CCDC91: variants seen among roughly 807,000 people sequenced by gnomAD.
The protein encoded by CCDC91 is coiled-coil domain containing 91.
In CCDC91, 48 loss-of-function variants were observed where a neutral mutation model predicts 63.2. The observed-to-expected ratio is 0.76, with a 90% CI of 0.60 to 0.97. CCDC91 has a LOEUF of 0.97. CCDC91 is among the 50% of genes least tolerant of loss of function. The pLI, the probability that CCDC91 is intolerant of heterozygous loss-of-function variation, is 0.00. For synonymous variants in CCDC91, 167 were observed against 165.8 expected, an observed-to-expected ratio of 1.01 and a Z score of -0.06; for missense variants, 500 against 494.6, an observed-to-expected ratio of 1.01 and a Z score of -0.10.
At chr12:28,430,899 G>C (rs1224078814) in intron 8 of CCDC91, among the ~76,000 whole-genome samples, 3 of 152,030 alleles carry the variant, frequency 2.0e-5, no homozygotes, top group Non-Finnish European at 1.5e-5. Flanking sequence ...ACTTGTCTTC[G>C]TATTAGTTTA....
rs1447285111 is a variant in CCDC91 at position 28,450,218 on chromosome 12, A to G, written c.820A>G (p.Lys274Glu). Residue 274 changes from lysine to glutamate, a missense_variant, in exon 9 of 13, where the codon AAG (lysine) becomes GAG (glutamate). Physicochemically the swap from Lys to Glu is moderately conservative, Grantham distance 56. Coordinates refer to ENST00000536442, the MANE Select transcript of CCDC91 (RefSeq NM_018318.5). Reference protein sequence around the residue: ...TEKELLKEKIKEALIQQSQEQ... With the variant: ...TEKELLKEKIEEALIQQSQEQ... ...GAAGGAACTGTTAAAAGAAAAAATA[A>G]AGGAAGCTTTGATTCAGCAATCTCA... is the stretch of plus-strand genomic sequence containing the variant. 4 of 1,610,534 alleles carry G rather than the reference A, an allele frequency of 2.5e-6. No homozygotes were observed. The highest frequency in any genetic ancestry group is 3.4e-6 in the Non-Finnish European group (4 of 1,177,884).
chr12:28,442,814 A>C lies in CCDC91; in HGVS notation c.763-7347A>C, dbSNP rs1949296577. Reference sequence around the variant, plus strand: ...ATTTTACAAGGGAACAAGGTTTTAAAGTATTTTATGATCAAATGTCAAAGT... The same window carrying C: ...ATTTTACAAGGGAACAAGGTTTTAACGTATTTTATGATCAAATGTCAAAGT... On this transcript the variant is annotated intron_variant, in intron 8 of 12. Transcript: ENST00000536442. Among the ~76,000 whole-genome samples the C allele has an allele frequency of 2.6e-5, 4 of 152,094 alleles. No individual in the cohort carries two copies. The South Asian group carries it at 8.3e-4, about 32-fold the overall frequency.
At chr12:28,194,392 G>A (rs1265764889) in intron 1 of CCDC91, among the ~76,000 whole-genome samples, 2 of 152,106 alleles carry the variant, frequency 1.3e-5, no homozygotes, top group East Asian at 1.9e-4. Context: ...ATGAAGGCAC[G>A]GACCCTCGCA....
At chr12:28,541,148 T>C (rs1183324872) in intron 12 of CCDC91, among the ~76,000 whole-genome samples, 1 of 152,176 alleles carries the variant, frequency 6.6e-6, no homozygotes, top group Non-Finnish European at 1.5e-5. Context: ...GATGCTTTGT[T>C]GCACACCGAT....
intron 7 of CCDC91, among the ~76,000 whole-genome samples, chr12:28,366,258 C>T (rs1944265209): frequency 1.3e-5 from 2 of 152,154 alleles, no homozygotes; most frequent in African/African-American, 4.8e-5. Context: ...ACCCAAGTAA[C>T]TACATAGTAG....
At chr12:28,232,479 A>G (rs566454840) in intron 1 of CCDC91, among the ~76,000 whole-genome samples, 5 of 152,224 alleles carry the variant, frequency 3.3e-5, no homozygotes, top group African/African-American at 1.2e-4. Flanking sequence ...AGGGGTTACT[A>G]TAAATTCATC....
At chr12:28,518,974 T>G (rs1236076510) in intron 12 of CCDC91, among the ~76,000 whole-genome samples, 1 of 151,856 alleles carries the variant, frequency 6.6e-6, no homozygotes, top group Admixed American at 6.6e-5. Flanking sequence ...AGTATTTGGA[T>G]TTATTTCTGG....
intron 1 of CCDC91, among the ~76,000 whole-genome samples, chr12:28,229,697 GT>G (rs977449900): frequency 6.6e-5 from 10 of 152,174 alleles, no homozygotes; most frequent in Non-Finnish European, 1.3e-4. Context: ...TCCATCTCTA[GT>G]TGGAAACATC....
rs116791900 is a variant in CCDC91 at position 28,378,692 on chromosome 12, A to G, written c.655-12612A>G. On this transcript the variant is annotated intron_variant, in intron 7 of 12. Transcript: ENST00000536442. ...GTTATTTGATTGAATAAGGATTCTCATAAATTCCAGCTTTTATCATATGAT... is the reference window on the plus strand; with the variant it reads ...GTTATTTGATTGAATAAGGATTCTCGTAAATTCCAGCTTTTATCATATGAT... Among the ~76,000 whole-genome samples the G allele has an allele frequency of 6.9e-3, 1,053 of 152,224 alleles. 17 individuals are homozygous for G. Among genetic ancestry groups the G allele is most frequent in the African/African-American group, 0.024 (1,017 of 41,554 alleles).
At chr12:28,451,203 T>C (rs1468293150) in intron 10 of CCDC91, among the ~76,000 whole-genome samples, 1 of 151,644 alleles carries the variant, frequency 6.6e-6, no homozygotes, top group Non-Finnish European at 1.5e-5. Context: ...TAATTGACAT[T>C]AAGTTTTGGG....
At chr12:28,488,171 T>C (rs1387193897) in intron 12 of CCDC91, among the ~76,000 whole-genome samples, 1 of 151,840 alleles carries the variant, frequency 6.6e-6, no homozygotes, top group Non-Finnish European at 1.5e-5. Flanking sequence ...AAAATTTTAA[T>C]TTTAAATGCT....
chr12:28,347,737 C>T (rs1231647582), intron 6 of CCDC91, among the ~76,000 whole-genome samples: 1 of 152,104 alleles, frequency 6.6e-6, no homozygotes, highest in Non-Finnish European at 1.5e-5. Flanking sequence ...AGCTCTGGTC[C>T]TAGGACCACT....
chr12:28,461,274 G>A (rs1950299252), intron 11 of CCDC91, among the ~76,000 whole-genome samples: 1 of 151,972 alleles, frequency 6.6e-6, no homozygotes, highest in Admixed American at 6.6e-5. Context: ...TTTTATCCAG[G>A]ATTGATAAGA....
intron 10 of CCDC91, 72 bp from the exon 11 acceptor site, chr12:28,452,406 T>TA (rs1378762273): frequency 1.9e-6 from 2 of 1,075,044 alleles, no homozygotes; most frequent in East Asian, 5.0e-5. Flanking sequence ...TCTTTTAGGT[T>TA]AACCAAGTCT....
At chr12:28,539,732 G>T (rs535312852) in intron 12 of CCDC91, among the ~76,000 whole-genome samples, 14 of 152,254 alleles carry the variant, frequency 9.2e-5, no homozygotes, top group African/African-American at 3.1e-4. Context: ...TTAGATCCAG[G>T]TGGGAGGCAG....
intron 11 of CCDC91, among the ~76,000 whole-genome samples, chr12:28,456,625 C>T (rs1950071161): frequency 6.6e-6 from 1 of 151,928 alleles, no homozygotes; most frequent in African/African-American, 2.4e-5. Context: ...GTAAGTAATA[C>T]CTTAATAGAG....
Position 28,450,168 on chromosome 12 carries a change from G to T in CCDC91, c.770G>T (p.Arg257Met). 1 of 1,595,292 alleles carries T rather than the reference G, an allele frequency of 6.3e-7. No homozygotes were observed. ...GCTTATCATTCCTTGTAGCATCAGA[G>T]GCTCCTTGAAATGCTAGATACAGAG... ...CEELLNAQHQ[R>M]LLEMLDTEKE... The change falls in exon 9 of 13, where the codon AGG becomes ATG. Residue 257 changes from arginine (R) to methionine (M), a missense_variant. Transcript: ENST00000536442.
chr12:28,204,209 A>G (rs959455146), intron 1 of CCDC91, among the ~76,000 whole-genome samples: 4 of 152,182 alleles, frequency 2.6e-5, no homozygotes, highest in African/African-American at 7.2e-5. Context: ...TGGTAAGAAC[A>G]TGGGGTTAAA....
At chr12:28,346,982 A>G (rs1231586255) in intron 6 of CCDC91, among the ~76,000 whole-genome samples, 1 of 152,214 alleles carries the variant, frequency 6.6e-6, no homozygotes, top group Non-Finnish European at 1.5e-5. Context: ...TGGAGACCCC[A>G]AGGATTTTAG....
Sources: gnomAD v4.1 joint callset for allele counts (sites outside exome capture counted in the v4.1 genomes callset) on GRCh38, gnomAD v4.1.1 for gene constraint, MANE v1.5 for transcripts, NCBI Gene and HGNC (gene_info 2026-07-23, HGNC 2026-07-21) for gene names.